Variants in STAB2 observed in about 807,000 individuals in gnomAD.
The protein encoded by STAB2 is stabilin 2.
STAB2 carries 288 observed loss-of-function variants against 338.1 expected under a neutral mutation model. That is an observed-to-expected ratio of 0.85 (90% CI 0.77 to 0.94). The LOEUF (loss-of-function observed/expected upper bound fraction) is 0.94, where lower values mean the gene tolerates loss of function less well. STAB2 is among the 40% of genes least tolerant of loss of function. STAB2 has a pLI of 0.00. For missense variants in STAB2, 3,141 were observed against 3,210.1 expected (o/e 0.98, Z 0.52); for synonymous variants, 1,202 against 1,193.3 (o/e 1.01, Z -0.15).
intron 9 of STAB2, among the ~76,000 whole-genome samples, chr12:103,646,891 A>G (rs934219778): frequency 6.6e-6 from 1 of 152,176 alleles, no homozygotes; most frequent in Non-Finnish European, 1.5e-5. Flanking sequence ...TATCGATGGG[A>G]TGTGCTGGAA....
At chr12:103,623,069 T>C (rs1957327416) in intron 5 of STAB2, among the ~76,000 whole-genome samples, 1 of 152,202 alleles carries the variant, frequency 6.6e-6, no homozygotes, top group African/African-American at 2.4e-5. Context: ...GAGATTTGAG[T>C]AACAAGTAGT....
Position 103,715,931 on chromosome 12 carries a change from A to G in STAB2, c.4611+43A>G, listed in dbSNP as rs754116290. The G allele has an allele frequency of 1.9e-6, 3 of 1,605,474 alleles. No homozygotes were observed. The Admixed American group carries it at 5.0e-5, about 27-fold the overall frequency. On this transcript the variant is annotated intron_variant, in intron 43 of 68. Transcript: ENST00000388887. Reference sequence around the variant, plus strand: ...CAGGCCCTTAGGTTTCCTAAAAGGGAACTCCTAGGTCTTTAGACACAGGCC... The same window carrying G: ...CAGGCCCTTAGGTTTCCTAAAAGGGGACTCCTAGGTCTTTAGACACAGGCC...
intron 65 of STAB2, among the ~76,000 whole-genome samples, chr12:103,760,593 A>G (rs1884464054): frequency 6.6e-6 from 1 of 152,052 alleles, no homozygotes; most frequent in Non-Finnish European, 1.5e-5. Flanking sequence ...GACATGTCCT[A>G]AGCCCCTTCA....
At chr12:103,615,126 T>C (rs1957189034) in intron 3 of STAB2, among the ~76,000 whole-genome samples, 1 of 152,200 alleles carries the variant, frequency 6.6e-6, no homozygotes, top group Non-Finnish European at 1.5e-5. Context: ...TGGGGATATA[T>C]CCACAAGAGC....
rs187940447 is a variant in STAB2 at position 103,594,863 on chromosome 12, T to C, written c.331+353T>C. ...TCTTTAAGAAGAAATTTTGTTACAATGTCTCAAAGACTGTAGTTATTGTTT... is the reference window on the plus strand; with the variant it reads ...TCTTTAAGAAGAAATTTTGTTACAACGTCTCAAAGACTGTAGTTATTGTTT... On this transcript the variant is annotated intron_variant, in intron 3 of 68. Transcript: ENST00000388887. 1.6e-3 allele frequency among the ~76,000 whole-genome samples: 249 copies of C among 152,322 alleles called. 2 individuals carry two copies. Among genetic ancestry groups the C allele is most frequent in the African/African-American group, 5.7e-3 (236 of 41,586 alleles).
intron 9 of STAB2, among the ~76,000 whole-genome samples, chr12:103,647,048 A>G (rs925942333): frequency 1.3e-5 from 2 of 152,258 alleles, no homozygotes; most frequent in East Asian, 3.8e-4. Context: ...GTGGACAGCA[A>G]AAAGAAGACA....
At chr12:103,651,606 C>G (rs2138731089) in intron 11 of STAB2, among the ~76,000 whole-genome samples, 1 of 152,194 alleles carries the variant, frequency 6.6e-6, no homozygotes, top group South Asian at 2.1e-4. Flanking sequence ...GCCACTGCAC[C>G]TGGCCCAGAT....
chr12:103,702,024 C>A (rs865831153), intron 34 of STAB2, among the ~76,000 whole-genome samples: 20 of 140,624 alleles, frequency 1.4e-4, no homozygotes, highest in African/African-American at 4.0e-4. Context: ...ACACACACAC[C>A]CCACCCCAAT....
At chr12:103,607,534 T>C (rs192262811) in intron 3 of STAB2, among the ~76,000 whole-genome samples, 48,264 of 143,652 alleles carry the variant, frequency 0.34, 9,850 homozygotes, top group African/African-American at 0.59. Flanking sequence ...TATCCCTCCC[T>C]CCTCCCCCCA....
At chr12:103,739,159 T>A (rs1333327354) in intron 53 of STAB2, among the ~76,000 whole-genome samples, 2 of 141,926 alleles carry the variant, frequency 1.4e-5, no homozygotes, top group Non-Finnish European at 3.1e-5. Flanking sequence ...TTTTTTTTTT[T>A]ACAGTTGGAG....
intron 58 of STAB2, among the ~76,000 whole-genome samples, 193 bp from the exon 59 acceptor site, chr12:103,748,770 T>C (rs1372497258): frequency 6.6e-6 from 1 of 152,148 alleles, no homozygotes; most frequent in East Asian, 1.9e-4. Context: ...GCTGCATCTA[T>C]GAGGGTGTCA....
chr12:103,683,955 C>A (rs1044363869), intron 26 of STAB2, among the ~76,000 whole-genome samples: 1 of 152,066 alleles, frequency 6.6e-6, no homozygotes, highest in Non-Finnish European at 1.5e-5. Context: ...GCTGGGAGGA[C>A]CCCCAGGGTA....
At position 103,695,646 on chromosome 12, in the gene STAB2, A is replaced by ATT; in HGVS notation, c.3473_3474dup (p.Gln1159PhefsTer37). 6.2e-7 allele frequency: 1 copy of ATT among 1,614,016 alleles called. No homozygotes were observed. Among genetic ancestry groups the ATT allele is most frequent in the Non-Finnish European group, 8.5e-7 (1 of 1,180,022 alleles). ...CTATTCCATCTTCCGGGGCTACATC[A>ATT]TTGCAAGTACCACATTCTCTGCCTG... On this transcript the variant is annotated frameshift_variant and splice_region_variant, in exon 32 of 69. Transcript: ENST00000388887. LOFTEE classifies it high-confidence loss of function.
Position 103,631,583 on chromosome 12 carries a change from A to G in STAB2, c.488-15A>G. 1 of 1,613,022 alleles carries G rather than the reference A, an allele frequency of 6.2e-7. No individual in the cohort carries two copies. The highest frequency in any genetic ancestry group is 8.5e-7 in the Non-Finnish European group (1 of 1,179,110). The stretch of plus-strand genomic sequence containing the variant: ...CTATGTCAGGTAATAAAAATCCCCC[A>G]CTTTCTGTCTCCAGTGTGCAACTGT... On this transcript the variant is annotated splice_polypyrimidine_tract_variant and intron_variant, in intron 5 of 68. Transcript: ENST00000388887.
At chr12:103,715,936 C>T in intron 43 of STAB2, 48 bp downstream of exon 43, 7 of 1,601,188 alleles carry the variant, frequency 4.4e-6, no homozygotes, top group Non-Finnish European at 6.0e-6. Context: ...AAGGGAACTC[C>T]TAGGTCTTTA....
intron 44 of STAB2, among the ~76,000 whole-genome samples, chr12:103,721,217 G>A (rs1307974260): frequency 6.6e-6 from 1 of 152,206 alleles, no homozygotes; most frequent in African/African-American, 2.4e-5. Context: ...GGGTGAGAGG[G>A]GAAGGGTCGT....
At chr12:103,657,339 T>G (rs1284540507) in intron 15 of STAB2, among the ~76,000 whole-genome samples, 2 of 151,764 alleles carry the variant, frequency 1.3e-5, no homozygotes, top group East Asian at 3.9e-4. Flanking sequence ...ATTTTAATAA[T>G]AATAATAATA....
At chr12:103,693,081 A>T (rs1403663724) in intron 31 of STAB2, among the ~76,000 whole-genome samples, 192 bp downstream of exon 31, 2 of 152,150 alleles carry the variant, frequency 1.3e-5, no homozygotes, top group Non-Finnish European at 2.9e-5. Flanking sequence ...GTTTCCATTT[A>T]TCCAGCCTGT....
At chr12:103,736,288 T>C (rs1354757957) in intron 52 of STAB2, among the ~76,000 whole-genome samples, 1 of 152,206 alleles carries the variant, frequency 6.6e-6, no homozygotes, top group East Asian at 1.9e-4. Context: ...GCACCATGTC[T>C]ACTTTCCAGG....
Sources: allele counts gnomAD v4.1 joint callset (sites outside exome capture counted in the v4.1 genomes callset), GRCh38; gene constraint gnomAD v4.1.1; transcripts MANE v1.5; gene names NCBI Gene and HGNC (gene_info 2026-07-23, HGNC 2026-07-21).